Variants in NRXN1 observed in about 807,000 individuals in gnomAD.
NRXN1 encodes neurexin-1.
A neutral mutation model predicts 150.9 loss-of-function variants in NRXN1; 39 were observed. The observed-to-expected ratio is 0.26, with a 90% CI of 0.20 to 0.34. The LOEUF is 0.34. Ranked by LOEUF, NRXN1 falls within the 10% of genes least tolerant of loss-of-function variation. The pLI is 1.00. For synonymous variants in NRXN1, 924 were observed against 757.0 expected, an observed-to-expected ratio of 1.22 and a Z score of -3.62; for missense variants, 1,815 against 1,949.9, an observed-to-expected ratio of 0.93 and a Z score of 1.30.
At chr2:50,932,586 G>A (rs1232183510) in intron 2 of NRXN1, among the ~76,000 whole-genome samples, 1 of 151,988 alleles carries the variant, frequency 6.6e-6, no homozygotes, top group East Asian at 1.9e-4. Context: ...AAGGGAAAGG[G>A]CAGGAGAGGA....
intron 19 of NRXN1, among the ~76,000 whole-genome samples, chr2:50,060,771 CA>C (rs1320079445): frequency 1.3e-5 from 2 of 152,182 alleles, no homozygotes; most frequent in African/African-American, 4.8e-5. Flanking sequence ...TCTTGCCTGC[CA>C]CCATGTAAGA....
Position 50,346,627 on chromosome 2 carries a change from G to T in NRXN1, c.3365-109657C>A. On this transcript the variant is annotated intron_variant, in intron 17 of 22. Coordinates refer to ENST00000401669, the MANE Select transcript of NRXN1 (RefSeq NM_001330078.2). The surrounding 1 kb of genome is among the most constrained non-coding windows in gnomAD (Gnocchi z 5.0). ...CTCTGAGCCTTAGGAGCCCAGGAGC[G>T]AGTGCAGGGTAGAAAGAGGGGAGCG... The T allele has an allele frequency of 1.3e-6, 2 of 1,546,810 alleles. No individual in the cohort carries two copies. Among genetic ancestry groups the T allele is most frequent in the Non-Finnish European group, 1.8e-6 (2 of 1,120,974 alleles).
intron 8 of NRXN1, among the ~76,000 whole-genome samples, chr2:50,596,009 C>T (rs1558992311): frequency 6.6e-6 from 1 of 152,190 alleles, no homozygotes; most frequent in Non-Finnish European, 1.5e-5. Context: ...ACTAACTTTG[C>T]ATAAGCATAT....
At chr2:50,555,569 C>A (rs1668110961) in intron 8 of NRXN1, among the ~76,000 whole-genome samples, 1 of 152,142 alleles carries the variant, frequency 6.6e-6, no homozygotes, top group Non-Finnish European at 1.5e-5. Flanking sequence ...TGGCAAGAAC[C>A]TTGCTCACCA....
chr2:50,268,063 A>T (rs1285817319), intron 17 of NRXN1, among the ~76,000 whole-genome samples: 1 of 152,012 alleles, frequency 6.6e-6, no homozygotes, highest in Non-Finnish European at 1.5e-5. Context: ...GGTAACGTGC[A>T]CTTGTAAACC....
At chr2:50,263,795 T>G (rs532655258) in intron 17 of NRXN1, among the ~76,000 whole-genome samples, 1 of 152,112 alleles carries the variant, frequency 6.6e-6, no homozygotes, top group Non-Finnish European at 1.5e-5. Flanking sequence ...CACGCCTGTT[T>G]AGAGGGTGGC....
chr2:50,779,518 T>C (rs1488615285), intron 5 of NRXN1, among the ~76,000 whole-genome samples: 3 of 151,998 alleles, frequency 2.0e-5, no homozygotes, highest in East Asian at 3.9e-4. Context: ...CCTGTAATCC[T>C]AGCACTTTGG....
intron 18 of NRXN1, among the ~76,000 whole-genome samples, chr2:50,120,348 G>A (rs953370304): frequency 6.6e-6 from 1 of 151,880 alleles, no homozygotes; most frequent in Non-Finnish European, 1.5e-5. Context: ...ATGCACACAT[G>A]CACACACACA....
At chr2:50,682,050 A>T (rs919769838) in intron 5 of NRXN1, among the ~76,000 whole-genome samples, 1 of 152,210 alleles carries the variant, frequency 6.6e-6, no homozygotes, top group Non-Finnish European at 1.5e-5. Context: ...ACAGGGTGAC[A>T]GCCAATAAAT....
intron 2 of NRXN1, among the ~76,000 whole-genome samples, chr2:50,967,925 C>T (rs1163170163): frequency 6.6e-6 from 1 of 151,886 alleles, no homozygotes; most frequent in Non-Finnish European, 1.5e-5. Flanking sequence ...GCAATTTTGG[C>T]ATAGCATAGA....
intron 21 of NRXN1, chr2:49,973,997 C>A: frequency 1.4e-6 from 1 of 717,418 alleles, no homozygotes; most frequent in Non-Finnish European, 2.6e-6. Flanking sequence ...CATCTCATAT[C>A]CATGTCTGTC....
chr2:50,561,124 T>C (rs1009731410), intron 8 of NRXN1, among the ~76,000 whole-genome samples: 1 of 152,196 alleles, frequency 6.6e-6, no homozygotes, highest in African/African-American at 2.4e-5. Flanking sequence ...TGCTTTGTCC[T>C]TCCTTCATTC....
chr2:50,600,486 G>A (rs533874460), intron 8 of NRXN1, among the ~76,000 whole-genome samples: 196 of 151,848 alleles, frequency 1.3e-3, no homozygotes, highest in Non-Finnish European at 2.5e-3. Flanking sequence ...CACCATGTCC[G>A]GCTAATTTTT....
intron 19 of NRXN1, among the ~76,000 whole-genome samples, chr2:50,089,845 T>C (rs1699328595): frequency 1.3e-5 from 2 of 152,098 alleles, no homozygotes; most frequent in South Asian, 4.1e-4. Flanking sequence ...ACATTTATAC[T>C]AGGATTTCAG....
chr2:50,558,853 G>A (rs966850406), intron 8 of NRXN1, among the ~76,000 whole-genome samples: 16 of 152,080 alleles, frequency 1.1e-4, no homozygotes, highest in African/African-American at 3.9e-4. Flanking sequence ...GAGGAGGGCG[G>A]ATCACGAGGT....
At chr2:50,456,196 T>C (rs908147311) in intron 17 of NRXN1, among the ~76,000 whole-genome samples, 3 of 152,148 alleles carry the variant, frequency 2.0e-5, no homozygotes, top group South Asian at 4.1e-4. Context: ...AATTCTTCTA[T>C]GGTAGCTGAA....
chr2:50,695,640 A>T (rs1197417218), intron 5 of NRXN1, among the ~76,000 whole-genome samples: 3 of 152,220 alleles, frequency 2.0e-5, no homozygotes, highest in Admixed American at 1.3e-4. Flanking sequence ...AGATTAAAAT[A>T]TGTGAAATAT....
chr2:50,561,880 G>A (rs1669138947), intron 8 of NRXN1, among the ~76,000 whole-genome samples: 2 of 152,182 alleles, frequency 1.3e-5, no homozygotes, highest in Admixed American at 1.3e-4. Flanking sequence ...AAGTGATGAA[G>A]ATACTTTCCG....
intron 18 of NRXN1, among the ~76,000 whole-genome samples, chr2:50,154,515 A>C (rs888260323): frequency 2.3e-4 from 35 of 151,792 alleles, no homozygotes; most frequent in African/African-American, 8.4e-4. Context: ...AAACAAATGG[A>C]ATTGACCATC....
Sources: gnomAD v4.1 joint callset for allele counts (sites outside exome capture counted in the v4.1 genomes callset) on GRCh38, gnomAD v4.1.1 for gene constraint, Gnocchi (gnomAD v3.1) non-coding constraint, MANE v1.5 for transcripts, NCBI Gene and HGNC (gene_info 2026-07-23, HGNC 2026-07-21) for gene names.